The following SDHC variants were observed in gnomAD, a reference collection of about 807,000 sequenced individuals.
SDHC encodes succinate dehydrogenase cytochrome b560 subunit, mitochondrial.
A neutral mutation model predicts 22.6 loss-of-function variants in SDHC; 11 were observed. The observed-to-expected ratio is 0.49, with a 90% confidence interval of 0.31 to 0.81. The LOEUF is 0.81. Ranked by LOEUF, SDHC falls within the 30% of genes least tolerant of loss-of-function variation. The pLI is 0.05. For synonymous variants in SDHC, 80 were observed against 77.8 expected, an observed-to-expected ratio of 1.03 and a Z score of -0.15; for missense variants, 160 against 212.0, an observed-to-expected ratio of 0.75 and a Z score of 1.52.
intron 5 of SDHC, among the ~76,000 whole-genome samples, chr1:161,360,232 G>T (rs958532010): frequency 6.7e-6 from 1 of 148,850 alleles, no homozygotes; most frequent in Non-Finnish European, 1.5e-5. Flanking sequence ...ATATCCCTAA[G>T]ACACAAGAGA....
intron 4 of SDHC, among the ~76,000 whole-genome samples, chr1:161,354,773 G>T (rs1411777566): frequency 6.6e-6 from 1 of 150,484 alleles, no homozygotes; most frequent in South Asian, 2.1e-4. Flanking sequence ...GCAGTGGTGC[G>T]ATCTCAGCTT....
chr1:161,332,958 A>G (rs918568135), intron 3 of SDHC, among the ~76,000 whole-genome samples: 6 of 152,312 alleles, frequency 3.9e-5, no homozygotes, highest in African/African-American at 1.4e-4. Flanking sequence ...TCATCACTCC[A>G]GAAAGAAACA....
At chr1:161,359,981 A>G (rs1223549478) in intron 5 of SDHC, among the ~76,000 whole-genome samples, 2 of 151,166 alleles carry the variant, frequency 1.3e-5, no homozygotes, top group Admixed American at 1.3e-4. Flanking sequence ...CTAATCTCCT[A>G]GTTAGAAGCA....
Position 161,328,609 on chromosome 1 carries a change from T to C in SDHC, c.179+112T>C, listed in dbSNP as rs970058099. Reference sequence around the variant, plus strand: ...CACTTTTACTCAACCAAAATACTGCTATGTAGATGAGGTGAACCCTTCAGG... The same window carrying C: ...CACTTTTACTCAACCAAAATACTGCCATGTAGATGAGGTGAACCCTTCAGG... On this transcript the variant is annotated intron_variant, in intron 3 of 5. Transcript: ENST00000367975. 5.3e-6 allele frequency: 4 copies of C among 758,806 alleles called. No homozygotes were observed. The Admixed American group carries it at 7.8e-5, about 15-fold the overall frequency. The allele number at this position is 758,806 out of a possible 1,614,324, so 47.0% of individuals were successfully genotyped here.
chr1:161,355,027 T>C (rs1048248847), intron 4 of SDHC, among the ~76,000 whole-genome samples: 5 of 152,220 alleles, frequency 3.3e-5, no homozygotes, highest in Non-Finnish European at 7.3e-5. Flanking sequence ...ATCTTATTTC[T>C]AATTTGAGTT....
chr1:161,328,522 G>C, intron 3 of SDHC, 25 bp downstream of exon 3: 8 of 1,500,602 alleles, frequency 5.3e-6, no homozygotes, highest in Non-Finnish European at 7.4e-6. Context: ...TGGAGCCAGA[G>C]AATCTAGAGG....
intron 4 of SDHC, among the ~76,000 whole-genome samples, chr1:161,348,438 C>T (rs1488057647): frequency 3.3e-5 from 5 of 151,678 alleles, no homozygotes; most frequent in Non-Finnish European, 7.4e-5. Flanking sequence ...GGATTACAGG[C>T]ATGAGCTACT....
At chr1:161,321,747 G>A (rs1297151612) in intron 1 of SDHC, among the ~76,000 whole-genome samples, 2 of 152,116 alleles carry the variant, frequency 1.3e-5, no homozygotes, top group Non-Finnish European at 2.9e-5. Flanking sequence ...AAAAGTTTGT[G>A]CATCTAATAT....
At position 161,362,322 on chromosome 1, in the gene SDHC, T is replaced by G; in HGVS notation, c.406-7T>G. ...ATTCCTTTTTTTTTTTTTTGCTTTG[T>G]CCACAGATGTGGGACCTAGGAAAAG... On this transcript the variant is annotated splice_polypyrimidine_tract_variant and splice_region_variant and intron_variant, in intron 5 of 5. Coordinates refer to ENST00000367975, the MANE Select transcript of SDHC (RefSeq NM_003001.5). The G allele has an allele frequency of 6.2e-7, 1 of 1,612,054 alleles. No homozygotes were observed. The highest frequency in any genetic ancestry group is 8.5e-7 in the Non-Finnish European group (1 of 1,179,268).
chr1:161,340,484 A>AT, intron 3 of SDHC, 110 bp from the exon 4 acceptor site: 1 of 965,662 alleles, frequency 1.0e-6, no homozygotes, highest in Non-Finnish European at 1.6e-6. Flanking sequence ...AAAAAAAAAA[A>AT]GAAAAAAAAG....
chr1:161,327,729 T>C (rs963397952), intron 2 of SDHC, among the ~76,000 whole-genome samples: 2 of 151,766 alleles, frequency 1.3e-5, no homozygotes, highest in African/African-American at 2.4e-5. Flanking sequence ...ACCCGGCTAA[T>C]TTTTTTCTAT....
intron 4 of SDHC, among the ~76,000 whole-genome samples, chr1:161,351,365 A>G (rs772964083): frequency 1.3e-5 from 2 of 152,168 alleles, no homozygotes; most frequent in Non-Finnish European, 2.9e-5. Flanking sequence ...CTCTTGAGAG[A>G]TCTTGTAGTT....
intron 4 of SDHC, among the ~76,000 whole-genome samples, chr1:161,346,429 C>CGAAAAAAAAAAAA (rs1671900173): frequency 6.7e-6 from 1 of 149,718 alleles, no homozygotes; most frequent in Non-Finnish European, 1.5e-5. Context: ...GACAGAGTTT[C>CGAAAAAAAAAAAA]GCTTTTGTTG....
Position 161,314,405 on chromosome 1 carries a change from G to A in SDHC, c.-1G>A, listed in dbSNP as rs1468426986. 1.7e-5 allele frequency: 27 copies of A among 1,613,856 alleles called. No individual in the cohort carries two copies. Among genetic ancestry groups the A allele is most frequent in the Non-Finnish European group, 2.2e-5 (26 of 1,180,036 alleles). ...CACTTCCGTCCAGACCGGAACCCAA[G>A]ATGGCTGCGCTGTTGCTGAGGTGAC... On this transcript the variant is annotated 5_prime_UTR_variant, in exon 1 of 6. Coordinates refer to ENST00000367975, the MANE Select transcript of SDHC (RefSeq NM_003001.5).
chr1:161,323,035 G>A (rs1436217540), intron 1 of SDHC, among the ~76,000 whole-genome samples: 1 of 151,724 alleles, frequency 6.6e-6, no homozygotes, highest in Non-Finnish European at 1.5e-5. Context: ...GTCTCGCTCT[G>A]TCACCCGGGC....
At chr1:161,330,986 GCT>G (rs1393882002) in intron 3 of SDHC, among the ~76,000 whole-genome samples, 1 of 132,870 alleles carries the variant, frequency 7.5e-6, no homozygotes, top group Non-Finnish European at 1.5e-5. Context: ...TCCAGCCTGG[GCT>G]CTGTTTCCAA....
intron 1 of SDHC, among the ~76,000 whole-genome samples, chr1:161,318,800 G>A (rs568041881): frequency 2.0e-5 from 3 of 150,416 alleles, no homozygotes; most frequent in Admixed American, 6.6e-5. Context: ...TTGGGAGGCC[G>A]AGGCGGGAGG....
rs377631766 is a variant in SDHC, at chr1:161,336,962, C to T, written c.180-3632C>T. On this transcript the variant is annotated intron_variant, in intron 3 of 5. Coordinates refer to ENST00000367975, the MANE Select transcript of SDHC (RefSeq NM_003001.5). The stretch of plus-strand genomic sequence containing the variant: ...ACGGCTTGCTGCAACCTCGACCTCC[C>T]GGGCTCAGGCAATCCTCCTTCCTCA... Among the ~76,000 whole-genome samples, 129 of 151,968 alleles carry T rather than the reference C, an allele frequency of 8.5e-4. 2 individuals are homozygous for T. In the South Asian group the frequency reaches 0.022, roughly 26 times the overall value.
intron 3 of SDHC, among the ~76,000 whole-genome samples, chr1:161,338,395 C>A (rs539829112): frequency 6.6e-6 from 1 of 152,114 alleles, no homozygotes; most frequent in Non-Finnish European, 1.5e-5. Context: ...GTTGAAGATA[C>A]GGTTTGATTA....
Sources: allele counts gnomAD v4.1 joint callset (sites outside exome capture counted in the v4.1 genomes callset), GRCh38; gene constraint gnomAD v4.1.1; transcripts MANE v1.5; gene names NCBI Gene and HGNC (gene_info 2026-07-23, HGNC 2026-07-21).